LARGE1: variants seen among roughly 807,000 people sequenced by gnomAD.
LARGE1 encodes xylosyl- and glucuronyltransferase LARGE1.
LARGE1 carries 43 observed loss-of-function variants against 87.6 expected under a neutral mutation model. The observed-to-expected ratio is 0.49, with a 90% CI of 0.38 to 0.63. The LOEUF is 0.63. LARGE1 is among the 30% of genes least tolerant of loss of function. The pLI, the probability that LARGE1 is intolerant of heterozygous loss-of-function variation, is 0.00. For missense variants in LARGE1, 802 were observed against 1,000.2 expected (o/e 0.80, Z 2.67); for synonymous variants, 434 against 394.6 (o/e 1.10, Z -1.18).
chr22:33,166,961 A>G (rs1922309861), intron 11 of LARGE1: 1 of 414,906 alleles, frequency 2.4e-6, no homozygotes, highest in South Asian at 1.8e-5. Context: ...TTTCAGAGCG[A>G]AACTCCCCCT....
chr22:33,470,450 T>C (rs180811806), intron 6 of LARGE1, among the ~76,000 whole-genome samples: 126 of 152,316 alleles, frequency 8.3e-4, no homozygotes, highest in African/African-American at 2.8e-3. Context: ...ATTTCAGGTA[T>C]TGGGAATAAT....
chr22:33,904,314 C>G (rs1013791025), intron 1 of LARGE1, among the ~76,000 whole-genome samples: 1 of 152,176 alleles, frequency 6.6e-6, no homozygotes, highest in Non-Finnish European at 1.5e-5. Flanking sequence ...TGCCACCACG[C>G]TTGGCTAATT....
At chr22:33,385,004 A>G (rs2147142045) in intron 7 of LARGE1, among the ~76,000 whole-genome samples, 1 of 148,822 alleles carries the variant, frequency 6.7e-6, no homozygotes, top group East Asian at 1.9e-4. Flanking sequence ...ATTACTGACA[A>G]GCCATATGGG....
At chr22:33,142,338 C>T in the LARGE1 span, among the ~76,000 whole-genome samples, 4 of 152,204 alleles carry the variant, frequency 2.6e-5, 1 homozygote, top group Admixed American at 2.6e-4. Context: ...CTTGTTGGCT[C>T]TCGCATTCCC....
At chr22:33,809,935 AT>A (rs1476361929) in intron 1 of LARGE1, among the ~76,000 whole-genome samples, 12 of 152,236 alleles carry the variant, frequency 7.9e-5, no homozygotes, top group East Asian at 3.9e-4. Context: ...TGTAATAAAG[AT>A]TTTACAATTT....
chr22:33,318,273 A>G (rs796354330), intron 10 of LARGE1, among the ~76,000 whole-genome samples: 8 of 151,828 alleles, frequency 5.3e-5, no homozygotes, highest in African/African-American at 1.9e-4. Flanking sequence ...TGTCGGAGGC[A>G]ATCTGTATTT....
Position 33,878,006 on chromosome 22 carries a change from A to G in LARGE1, c.-83+41989T>C, listed in dbSNP as rs1368845259. 2.6e-5 allele frequency among the ~76,000 whole-genome samples: 4 copies of G among 151,604 alleles called. No homozygotes were observed. The East Asian group carries it at 7.7e-4, about 29-fold the overall frequency. On this transcript the variant is annotated intron_variant, in intron 1 of 14. Transcript: ENST00000397394. Reference sequence around the variant, plus strand: ...GAATGTAACATTTGAATTTATATATATATATTTTGGTTATGCTGGGCTAAA... The same window carrying G: ...GAATGTAACATTTGAATTTATATATGTATATTTTGGTTATGCTGGGCTAAA...
chr22:33,656,261 G>A (rs1251675125), intron 2 of LARGE1, among the ~76,000 whole-genome samples: 1 of 152,170 alleles, frequency 6.6e-6, no homozygotes, highest in Non-Finnish European at 1.5e-5. Context: ...TGAAAGGTGA[G>A]GGAAGAACAA....
intron 7 of LARGE1, among the ~76,000 whole-genome samples, chr22:33,407,159 CT>C: frequency 6.6e-6 from 1 of 151,884 alleles, no homozygotes; most frequent in East Asian, 1.9e-4. Context: ...TCTATTATTA[CT>C]TTTTTAGAGA....
chr22:33,320,522 T>C (rs949469235), intron 10 of LARGE1, among the ~76,000 whole-genome samples: 2 of 152,196 alleles, frequency 1.3e-5, no homozygotes, highest in Admixed American at 6.5e-5. Flanking sequence ...ACTTTCCCGG[T>C]GAGACTGTGA....
intron 11 of LARGE1, among the ~76,000 whole-genome samples, chr22:33,305,152 C>G (rs1294080652): frequency 6.6e-6 from 1 of 151,874 alleles, no homozygotes; most frequent in African/African-American, 2.4e-5. Flanking sequence ...CTGATGGGAC[C>G]TTGGAGTCAG....
At chr22:33,487,613 A>G (rs540995835) in intron 6 of LARGE1, among the ~76,000 whole-genome samples, 1 of 152,336 alleles carries the variant, frequency 6.6e-6, no homozygotes, top group South Asian at 2.1e-4. Flanking sequence ...TGATCAAGAA[A>G]GACGAAGAAC....
At chr22:33,443,414 C>T (rs1424442502) in intron 6 of LARGE1, among the ~76,000 whole-genome samples, 1 of 152,216 alleles carries the variant, frequency 6.6e-6, no homozygotes, top group African/African-American at 2.4e-5. Flanking sequence ...ATGCCCAGCC[C>T]ACCTGCTCCT....
chr22:33,487,483 C>T (rs1382601096), intron 6 of LARGE1, among the ~76,000 whole-genome samples: 2 of 152,162 alleles, frequency 1.3e-5, no homozygotes, highest in Non-Finnish European at 2.9e-5. Flanking sequence ...TTTTCTGGCT[C>T]ATGAGTTTCT....
intron 9 of LARGE1, among the ~76,000 whole-genome samples, chr22:33,353,715 T>C (rs568944823): frequency 1.3e-5 from 2 of 152,318 alleles, no homozygotes; most frequent in African/African-American, 4.8e-5. Context: ...GAGCAGTAAA[T>C]TCCTACTTTA....
the LARGE1 span, among the ~76,000 whole-genome samples, chr22:33,136,236 T>A: frequency 6.6e-6 from 1 of 152,150 alleles, no homozygotes; most frequent in African/African-American, 2.4e-5. Context: ...CAAGACTGGG[T>A]AATTTATAAA....
intron 6 of LARGE1, among the ~76,000 whole-genome samples, chr22:33,485,868 T>TTA (rs1375313576): frequency 6.6e-6 from 1 of 152,158 alleles, no homozygotes; most frequent in African/African-American, 2.4e-5. Context: ...ATATATACAT[T>TTA]TATGTATTTC....
chr22:33,756,997 G>T (rs1340997069), intron 2 of LARGE1, among the ~76,000 whole-genome samples: 5 of 152,184 alleles, frequency 3.3e-5, no homozygotes, highest in Admixed American at 3.3e-4. Flanking sequence ...AGATGTTAGA[G>T]AAAGAAAGGT....
At chr22:33,807,164 C>G (rs558233726) in intron 1 of LARGE1, among the ~76,000 whole-genome samples, 8 of 152,300 alleles carry the variant, frequency 5.3e-5, no homozygotes, top group Non-Finnish European at 1.0e-4. Context: ...TCTCCCACCT[C>G]CAAGCTATGT....
Sources: allele counts gnomAD v4.1 joint callset (sites outside exome capture counted in the v4.1 genomes callset), GRCh38; gene constraint gnomAD v4.1.1; transcripts MANE v1.5; gene names NCBI Gene and HGNC (gene_info 2026-07-23, HGNC 2026-07-21).